SRBD1: variants seen among roughly 807,000 people sequenced by gnomAD.
The protein encoded by SRBD1 is S1 RNA-binding domain-containing protein 1.
Under a neutral mutation model 115.3 loss-of-function variants are expected in SRBD1, and 88 were observed. The ratio of observed to expected loss-of-function variants is 0.76; its 90% CI spans 0.64 to 0.91. The LOEUF is 0.91. SRBD1 is among the 40% of genes least tolerant of loss of function. SRBD1 has a pLI of 0.00. For missense variants in SRBD1, 1,385 were observed against 1,177.4 expected, an observed-to-expected ratio of 1.18 and a Z score of -2.58; for synonymous variants, 509 against 407.7, an observed-to-expected ratio of 1.25 and a Z score of -2.99.
intron 1 of SRBD1, among the ~76,000 whole-genome samples, chr2:45,609,783 T>C (rs1674387429): frequency 6.6e-6 from 1 of 152,246 alleles, no homozygotes; most frequent in African/African-American, 2.4e-5. Flanking sequence ...AAGGAGCCTA[T>C]TTACTTCCTG....
intron 14 of SRBD1, among the ~76,000 whole-genome samples, chr2:45,504,993 C>T (rs548027595): frequency 6.6e-6 from 1 of 152,144 alleles, no homozygotes; most frequent in South Asian, 2.1e-4. Context: ...TTTACTTCTA[C>T]AAAGATCAAA....
intron 18 of SRBD1, among the ~76,000 whole-genome samples, chr2:45,414,419 C>CACATATAT (rs138221566): frequency 0.17 from 25,665 of 151,072 alleles, 2,878 homozygotes; most frequent in African/African-American, 0.31. Flanking sequence ...TGTGTATATA[C>CACATATAT]ACATATATAC....
At chr2:45,480,672 A>G (rs909264368) in intron 15 of SRBD1, among the ~76,000 whole-genome samples, 1 of 152,180 alleles carries the variant, frequency 6.6e-6, no homozygotes, top group African/African-American at 2.4e-5. Context: ...TGTGGAAATG[A>G]TAAAAGATAT....
chr2:45,527,650 G>A (rs1421526034), intron 14 of SRBD1, among the ~76,000 whole-genome samples: 1 of 151,806 alleles, frequency 6.6e-6, no homozygotes, highest in Non-Finnish European at 1.5e-5. Context: ...ATTTTTCAAT[G>A]TACTATTCAA....
intron 14 of SRBD1, among the ~76,000 whole-genome samples, chr2:45,526,056 G>A (rs928934369): frequency 1.3e-5 from 2 of 151,992 alleles, no homozygotes; most frequent in Non-Finnish European, 2.9e-5. Context: ...ACAGTCTGCA[G>A]TTCCCCAAAC....
chr2:45,449,352 G>A (rs956146544), intron 16 of SRBD1, among the ~76,000 whole-genome samples: 32 of 152,102 alleles, frequency 2.1e-4, no homozygotes, highest in African/African-American at 7.5e-4. Context: ...CCTGTTTACC[G>A]ACTGTGAGTC....
intron 15 of SRBD1, among the ~76,000 whole-genome samples, chr2:45,487,524 G>C (rs551230963): frequency 6.6e-6 from 1 of 152,140 alleles, no homozygotes; most frequent in East Asian, 1.9e-4. Flanking sequence ...TAAACTGAAA[G>C]TCTGTGTACT....
At chr2:45,553,571 G>GT in intron 11 of SRBD1, 52 bp downstream of exon 11, 1 of 1,193,838 alleles carries the variant, frequency 8.4e-7, no homozygotes, top group Non-Finnish European at 1.2e-6. Context: ...AATGGTACTA[G>GT]TATCATATAA....
At chr2:45,415,718 G>C (rs1572614927) in intron 18 of SRBD1, among the ~76,000 whole-genome samples, 1 of 13,896 alleles carries the variant, frequency 7.2e-5, no homozygotes, top group South Asian at 3.0e-3. Flanking sequence ...GGAGAGGAGA[G>C]GAGAGGAGAG....
intron 10 of SRBD1, among the ~76,000 whole-genome samples, chr2:45,560,945 T>TAA (rs35692321): frequency 7.6e-5 from 9 of 119,018 alleles, no homozygotes; most frequent in East Asian, 2.4e-4. Flanking sequence ...ATCTCTTAAA[T>TAA]AAAAAAAAAA....
intron 16 of SRBD1, among the ~76,000 whole-genome samples, chr2:45,443,805 GA>G (rs10611144): frequency 0.16 from 20,609 of 130,518 alleles, 1,493 homozygotes; most frequent in East Asian, 0.22. Flanking sequence ...AAGTTATTTT[GA>G]AAAAAAAAAA....
chr2:45,443,805 G>GA (rs10611144), intron 16 of SRBD1, among the ~76,000 whole-genome samples: 60,315 of 130,358 alleles, frequency 0.46, 14,560 homozygotes, highest in Non-Finnish European at 0.57. Context: ...AAGTTATTTT[G>GA]AAAAAAAAAA....
chr2:45,416,526 A>C lies in SRBD1; in HGVS notation c.2333+1839T>G, dbSNP rs114453206. ...ATGCAGACAATATAAAGAATAAAAA[A>C]TTAGAAATCTATATGTAATAATTTG... On this transcript the variant is annotated intron_variant, in intron 18 of 20. Transcript: ENST00000263736. Among the ~76,000 whole-genome samples the C allele has an allele frequency of 8.3e-3, 1,264 of 152,306 alleles. 18 individuals are homozygous for C. Among genetic ancestry groups the C allele is most frequent in the African/African-American group, 0.029 (1,202 of 41,572 alleles).
At chr2:45,532,342 T>C (rs1372809179) in intron 14 of SRBD1, among the ~76,000 whole-genome samples, 1 of 151,814 alleles carries the variant, frequency 6.6e-6, no homozygotes, top group Non-Finnish European at 1.5e-5. Flanking sequence ...TAAAAGGCGC[T>C]TTGATGTTGG....
intron 20 of SRBD1, among the ~76,000 whole-genome samples, chr2:45,391,253 T>G (rs1277151359): frequency 6.6e-6 from 1 of 152,188 alleles, no homozygotes; most frequent in Admixed American, 6.5e-5. Context: ...TTTAACACTT[T>G]CATAGCCAAG....
At position 45,477,598 on chromosome 2, in the gene SRBD1, A is replaced by G. The variant is rs144323066; in HGVS notation, c.1967-523T>C. Among the ~76,000 whole-genome samples the G allele has an allele frequency of 8.4e-4, 128 of 152,264 alleles. 1 individual carries two copies. Among genetic ancestry groups the G allele is most frequent in the Non-Finnish European group, 1.3e-3 (86 of 68,020 alleles). ...AGGGTCTCACTCTGTTACCCTGGAT[A>G]GAGTGCAGTGGTGCCATCTCAGTTC... On this transcript the variant is annotated intron_variant, in intron 15 of 20. Coordinates refer to ENST00000263736, the MANE Select transcript of SRBD1 (RefSeq NM_018079.5).
chr2:45,565,193 C>A (rs13313776), intron 9 of SRBD1, among the ~76,000 whole-genome samples: 16,601 of 152,076 alleles, frequency 0.11, 1,917 homozygotes, highest in African/African-American at 0.29. Context: ...TTTTAAAAAT[C>A]AAAATAAACT....
At chr2:45,431,359 T>G (rs144680070) in intron 16 of SRBD1, among the ~76,000 whole-genome samples, 10,962 of 152,206 alleles carry the variant, frequency 0.072, 517 homozygotes, top group South Asian at 0.16. Context: ...GCAGCACTAT[T>G]CACAATAGCA....
intron 9 of SRBD1, among the ~76,000 whole-genome samples, chr2:45,564,725 G>A (rs1018894321): frequency 6.6e-6 from 1 of 152,002 alleles, no homozygotes; most frequent in Non-Finnish European, 1.5e-5. Context: ...GAACAATACA[G>A]GTTTAAACTG....
Sources: allele counts gnomAD v4.1 joint callset (sites outside exome capture counted in the v4.1 genomes callset), GRCh38; gene constraint gnomAD v4.1.1; transcripts MANE v1.5; gene names NCBI Gene and HGNC (gene_info 2026-07-23, HGNC 2026-07-21).